The following NSD1 variants were observed in gnomAD, a reference collection of about 807,000 sequenced individuals.
The protein encoded by NSD1 is histone-lysine N-methyltransferase, H3 lysine-36 specific.
NSD1 carries 26 observed loss-of-function variants against 242.7 expected under a neutral mutation model. That is an observed-to-expected ratio of 0.11 (90% confidence interval 0.08 to 0.15). NSD1 has a LOEUF of 0.15. NSD1 is among the 10% of genes least tolerant of loss of function. The pLI is 1.00. For missense variants in NSD1, 2,495 were observed against 3,272.8 expected, an observed-to-expected ratio of 0.76 and a Z score of 5.80; for synonymous variants, 1,106 against 1,178.1, an observed-to-expected ratio of 0.94 and a Z score of 1.25.
chr5:177,187,626 C>T (rs564253234), intron 2 of NSD1, among the ~76,000 whole-genome samples: 1 of 152,222 alleles, frequency 6.6e-6, no homozygotes, highest in African/African-American at 2.4e-5. Context: ...GTTTTGAGGA[C>T]TGTGAGTGTG....
intron 15 of NSD1, 142 bp downstream of exon 15, chr5:177,267,860 T>C: frequency 1.2e-6 from 1 of 822,100 alleles, no homozygotes; most frequent in Non-Finnish European, 2.0e-6. Flanking sequence ...TTTTTCCTTA[T>C]AGGAAGAGAA....
chr5:177,174,782 G>GA (rs1760045062), intron 2 of NSD1, among the ~76,000 whole-genome samples: 1 of 147,596 alleles, frequency 6.8e-6, no homozygotes, highest in Non-Finnish European at 1.5e-5. Flanking sequence ...AGGCTGGTAT[G>GA]AAACTCCTGA....
intron 12 of NSD1, among the ~76,000 whole-genome samples, chr5:177,252,539 C>CTTTTTTTTTT (rs70991600): frequency 2.1e-5 from 1 of 47,400 alleles, no homozygotes; most frequent in Admixed American, 3.9e-4. Context: ...GTAAAGTGTT[C>CTTTTTTTTTT]TTTTTTTTTT....
At chr5:177,202,786 G>A (rs963208612) in intron 3 of NSD1, among the ~76,000 whole-genome samples, 11 of 152,084 alleles carry the variant, frequency 7.2e-5, no homozygotes, top group Non-Finnish European at 1.6e-4. Context: ...GTTCCTGTAG[G>A]TGATTTTTAT....
chr5:177,269,563 C>T lies in NSD1; in HGVS notation c.5304-39C>T, dbSNP rs1757792232. 5 of 1,582,102 alleles carry T rather than the reference C, an allele frequency of 3.2e-6. No homozygotes were observed. Among genetic ancestry groups the T allele is most frequent in the Non-Finnish European group, 4.3e-6 (5 of 1,151,480 alleles). On this transcript the variant is annotated intron_variant, in intron 15 of 22. Coordinates refer to ENST00000439151, the MANE Select transcript of NSD1 (RefSeq NM_022455.5). The surrounding 1 kb of genome is among the most constrained non-coding windows in gnomAD (Gnocchi z 5.1). ...AGGTTATTTTCCTAATGCCTTGCAG[C>T]CTTCTAGAGGTTTTCCTTCTCCTTT...
chr5:177,245,924 AC>A (rs913705003), intron 9 of NSD1, among the ~76,000 whole-genome samples: 133 of 150,684 alleles, frequency 8.8e-4, no homozygotes, highest in African/African-American at 3.1e-3. Context: ...GGCATGAGCC[AC>A]CCTGCCCAGC....
At chr5:177,187,016 A>G (rs749291914) in intron 2 of NSD1, among the ~76,000 whole-genome samples, 2 of 151,858 alleles carry the variant, frequency 1.3e-5, no homozygotes, top group South Asian at 2.1e-4. Context: ...AATTCTAGCC[A>G]TATTTATTTC....
At chr5:177,227,475 C>T (rs1420973956) in intron 5 of NSD1, among the ~76,000 whole-genome samples, 3 of 152,062 alleles carry the variant, frequency 2.0e-5, no homozygotes, top group African/African-American at 7.2e-5. Context: ...TATTTTTAGA[C>T]AGAGCCTAGC....
In NSD1 at chr5:177,294,138, A is replaced by G. The variant is rs1429246821; in HGVS notation, c.6770A>G (p.Asp2257Gly). The G allele has an allele frequency of 6.2e-7, 1 of 1,614,158 alleles. No homozygotes were observed. Among genetic ancestry groups the G allele is most frequent in the East Asian group, 2.2e-5 (1 of 44,888 alleles). The change falls in exon 23 of 23, where the codon GAC becomes GGC. Residue 2257 changes from aspartate (D) to glycine (G), a missense_variant. By Grantham distance (94) the Asp-to-Gly change is moderately conservative. Coordinates refer to ENST00000439151, the MANE Select transcript of NSD1 (RefSeq NM_022455.5). ...AAAATGTCAGATAAACCTCCTGCTG[A>G]CACCAACCAGATGCTGTCGCTCTCC... ...APKMSDKPPADTNQMLSLSKK... is the reference protein window; with the variant it reads ...APKMSDKPPAGTNQMLSLSKK...
intron 16 of NSD1, among the ~76,000 whole-genome samples, chr5:177,270,840 T>TA (rs1433178327): frequency 1.3e-5 from 2 of 152,214 alleles, no homozygotes; most frequent in African/African-American, 4.8e-5. Context: ...GCTCCTCACT[T>TA]ACCCTGTTTG....
chr5:177,199,663 G>A lies in NSD1; in HGVS notation c.1064-4457G>A, dbSNP rs188822996. Among the ~76,000 whole-genome samples the A allele has an allele frequency of 4.0e-5, 6 of 148,838 alleles. No homozygotes were observed. The East Asian group carries it at 9.7e-4, about 24-fold the overall frequency. ...TCACCAGACTAGAGTGCAGTGGCACGATCTCAGCTCACTGCAACCTCTGAC... is the reference window on the plus strand; with the variant it reads ...TCACCAGACTAGAGTGCAGTGGCACAATCTCAGCTCACTGCAACCTCTGAC... On this transcript the variant is annotated intron_variant, in intron 3 of 22. Coordinates refer to ENST00000439151, the MANE Select transcript of NSD1 (RefSeq NM_022455.5).
intron 5 of NSD1, among the ~76,000 whole-genome samples, chr5:177,221,436 A>G (rs1764225801): frequency 6.6e-6 from 1 of 152,042 alleles, no homozygotes; most frequent in African/African-American, 2.4e-5. Flanking sequence ...TTAAGCTGTT[A>G]ACAACTTAAG....
intron 2 of NSD1, among the ~76,000 whole-genome samples, chr5:177,142,736 C>T (rs955742943): frequency 1.3e-5 from 2 of 152,084 alleles, no homozygotes; most frequent in Non-Finnish European, 2.9e-5. Context: ...TTAGTCTTTC[C>T]TTCCAGTCTA....
At chr5:177,200,401 C>T (rs998012561) in intron 3 of NSD1, among the ~76,000 whole-genome samples, 5 of 152,192 alleles carry the variant, frequency 3.3e-5, no homozygotes, top group Admixed American at 6.5e-5. Context: ...TCCCAAGGTG[C>T]TGGGACTACA....
intron 14 of NSD1, among the ~76,000 whole-genome samples, chr5:177,261,492 T>C (rs1756999687): frequency 6.6e-6 from 1 of 152,122 alleles, no homozygotes; most frequent in African/African-American, 2.4e-5. Flanking sequence ...GCTAGTTAAA[T>C]GGAAGATTTT....
intron 12 of NSD1, among the ~76,000 whole-genome samples, chr5:177,253,110 T>C (rs1446310865): frequency 6.6e-6 from 1 of 152,126 alleles, no homozygotes; most frequent in Admixed American, 6.6e-5. Context: ...GAAGAGAGGC[T>C]TTTGTATGTG....
intron 5 of NSD1, among the ~76,000 whole-genome samples, chr5:177,232,260 T>C (rs1419899874): frequency 6.6e-6 from 1 of 152,188 alleles, no homozygotes; most frequent in East Asian, 1.9e-4. Context: ...GATGAAGTGT[T>C]TGTAAAGTGG....
chr5:177,243,445 C>T (rs1030462852), intron 8 of NSD1, among the ~76,000 whole-genome samples: 1 of 152,018 alleles, frequency 6.6e-6, no homozygotes, highest in Non-Finnish European at 1.5e-5. Context: ...TGATCTGCCC[C>T]CCTCGGCCTC....
At chr5:177,235,214 TTATGGTTCACTG>T (rs1290529069) in intron 5 of NSD1, among the ~76,000 whole-genome samples, 2 of 152,224 alleles carry the variant, frequency 1.3e-5, no homozygotes, top group Non-Finnish European at 2.9e-5. Flanking sequence ...TTTTGCTTTC[TTATGGTTCACTG>T]TACACAAACT....
Sources: gnomAD v4.1 joint callset for allele counts (sites outside exome capture counted in the v4.1 genomes callset) on GRCh38, gnomAD v4.1.1 for gene constraint, Gnocchi (gnomAD v3.1) non-coding constraint, MANE v1.5 for transcripts, NCBI Gene and HGNC (gene_info 2026-07-23, HGNC 2026-07-21) for gene names.